GALNT12: variants seen among roughly 807,000 people sequenced by gnomAD.
GALNT12 encodes polypeptide N-acetylgalactosaminyltransferase 12.
A neutral mutation model predicts 55.5 loss-of-function variants in GALNT12; 45 were observed. That is an observed-to-expected ratio of 0.81 (90% CI 0.64 to 1.04). The LOEUF is 1.04. Among genes scored for constraint, GALNT12 ranks in the 50% least tolerant of loss-of-function variants. The probability of loss-of-function intolerance (pLI) is 0.00; values close to 1 mark genes in which losing one functional copy is unlikely to be tolerated. For synonymous variants in GALNT12, 304 were observed against 312.2 expected, an observed-to-expected ratio of 0.97 and a Z score of 0.28; for missense variants, 709 against 754.8, an observed-to-expected ratio of 0.94 and a Z score of 0.71.
At position 98,826,817 on chromosome 9, in the gene GALNT12, A is replaced by G; in HGVS notation, c.607A>G (p.Asn203Asp). The change falls in exon 3 of 10, where the codon AAC (asparagine) becomes GAC (aspartate). Residue 203 changes from asparagine to aspartate, a missense_variant. Transcript: ENST00000375011. ...GLPKVRLIRANKREGLVRARL... is the reference protein window; with the variant it reads ...GLPKVRLIRADKREGLVRARL... ...GCCCAAGGTGCGCCTGATCCGCGCC[A>G]ACAAGAGAGAGGGCCTGGTGCGAGC... The G allele has an allele frequency of 2.5e-6, 4 of 1,612,254 alleles. No homozygotes were observed. The highest frequency in any genetic ancestry group is 1.3e-5 in the African/African-American group (1 of 75,012).
intron 3 of GALNT12, 128 bp downstream of exon 3, chr9:98,827,069 A>C (rs1424684273): frequency 1.0e-6 from 1 of 966,750 alleles, no homozygotes; most frequent in African/African-American, 1.6e-5. Context: ...GTCACTGGGC[A>C]GGAGAGCAGT....
intron 6 of GALNT12, among the ~76,000 whole-genome samples, chr9:98,838,580 G>A (rs548020508): frequency 6.6e-5 from 10 of 152,278 alleles, no homozygotes; most frequent in South Asian, 2.1e-4. Flanking sequence ...CTCTACCTCC[G>A]GGACCATTGT....
At chr9:98,829,440 C>T (rs943458506) in intron 3 of GALNT12, among the ~76,000 whole-genome samples, 12 of 152,132 alleles carry the variant, frequency 7.9e-5, no homozygotes, top group African/African-American at 2.9e-4. Context: ...TTGCCCGTCT[C>T]AGCCTTCCAA....
At chr9:98,827,492 G>T (rs990740030) in intron 3 of GALNT12, among the ~76,000 whole-genome samples, 9 of 151,974 alleles carry the variant, frequency 5.9e-5, no homozygotes, top group African/African-American at 2.2e-4. Flanking sequence ...TTTTTATCCG[G>T]GCTTGTTGCA....
Position 98,807,729 on chromosome 9 carries a change from C to A in GALNT12, c.31C>A (p.Pro11Thr). 8.4e-7 allele frequency: 1 copy of A among 1,186,528 alleles called. No homozygotes were observed. The highest frequency in any genetic ancestry group is 1.0e-6 in the Non-Finnish European group (1 of 955,090). The allele number at this position is 1,186,528 out of a possible 1,614,324, so 73.5% of individuals were successfully genotyped here. Residue 11 changes from proline (P) to threonine (T), a missense_variant, in exon 1 of 10, where the codon CCG (proline) becomes ACG (threonine). By Grantham distance (38) the Pro-to-Thr change is conservative (BLOSUM62 -1). Coordinates refer to ENST00000375011, the MANE Select transcript of GALNT12 (RefSeq NM_024642.5). ...GGGGCGCACGGCGCGGCGGCGCTGC[C>A]CGCGGGAACTGCGGCGCGGCCGGGA... MWGRTARRRCPRELRRGREAL... is the reference protein window; with the variant it reads MWGRTARRRCTRELRRGREAL...
chr9:98,818,626 C>T (rs1249940350), intron 1 of GALNT12, among the ~76,000 whole-genome samples: 1 of 152,008 alleles, frequency 6.6e-6, no homozygotes, highest in East Asian at 1.9e-4. Context: ...GCCTCTTTAG[C>T]CTCACTCAGT....
At chr9:98,813,979 A>G (rs963830071) in intron 1 of GALNT12, among the ~76,000 whole-genome samples, 2 of 152,198 alleles carry the variant, frequency 1.3e-5, no homozygotes, top group African/African-American at 4.8e-5. Flanking sequence ...CTGAAAGCCC[A>G]ATGCAAACTG....
At chr9:98,832,636 A>C (rs1433010322) in intron 4 of GALNT12, among the ~76,000 whole-genome samples, 1 of 152,162 alleles carries the variant, frequency 6.6e-6, no homozygotes, top group Admixed American at 6.5e-5. Flanking sequence ...TCCCACACAG[A>C]AAATATCCCC....
At chr9:98,835,196 CTG>C in intron 4 of GALNT12, 51 bp from the exon 5 acceptor site, 1 of 1,224,826 alleles carries the variant, frequency 8.2e-7, no homozygotes, top group Non-Finnish European at 1.2e-6. Flanking sequence ...AGTTGGATAA[CTG>C]TGATGGTTTT....
intron 1 of GALNT12, among the ~76,000 whole-genome samples, chr9:98,813,035 T>A (rs1588438983): frequency 6.6e-6 from 1 of 152,256 alleles, no homozygotes; most frequent in East Asian, 1.9e-4. Flanking sequence ...TTGTTCAGAT[T>A]TATCCACAAG....
chr9:98,809,326 A>G (rs1645434139), intron 1 of GALNT12, among the ~76,000 whole-genome samples: 1 of 152,210 alleles, frequency 6.6e-6, no homozygotes, highest in African/African-American at 2.4e-5. Flanking sequence ...CTTTTTGAAT[A>G]AAACTTTGTT....
intron 3 of GALNT12, among the ~76,000 whole-genome samples, chr9:98,830,382 A>G (rs1023806014): frequency 5.9e-5 from 9 of 152,218 alleles, no homozygotes; most frequent in African/African-American, 1.9e-4. Context: ...CAGGGAGGCC[A>G]AGTATCCTGC....
intron 5 of GALNT12, 41 bp from the exon 6 acceptor site, chr9:98,836,931 C>A: frequency 6.4e-7 from 1 of 1,563,990 alleles, no homozygotes; most frequent in Non-Finnish European, 8.7e-7. Context: ...CGCAGCTCAT[C>A]CCCTGCTCAC....
intron 1 of GALNT12, among the ~76,000 whole-genome samples, chr9:98,821,624 C>CA (rs11467276): frequency 0.65 from 73,536 of 112,390 alleles, 24,656 homozygotes; most frequent in African/African-American, 0.79. Flanking sequence ...GACTCCATCT[C>CA]AAAAAAAAAA....
At chr9:98,814,859 C>T (rs1835576822) in intron 1 of GALNT12, among the ~76,000 whole-genome samples, 1 of 152,164 alleles carries the variant, frequency 6.6e-6, no homozygotes. Context: ...TGGTGCCTCT[C>T]CTGTATTAAG....
intron 6 of GALNT12, among the ~76,000 whole-genome samples, chr9:98,837,532 C>T (rs1190700504): frequency 6.6e-6 from 1 of 152,172 alleles, no homozygotes; most frequent in East Asian, 1.9e-4. Flanking sequence ...ATTAACATTG[C>T]ACTCATGGCT....
At chr9:98,840,194 G>A (rs3824516) in intron 7 of GALNT12, 61 bp downstream of exon 7, 1 of 1,605,722 alleles carries the variant, frequency 6.2e-7, no homozygotes, top group Non-Finnish European at 8.5e-7. Context: ...GGTCTGCTCT[G>A]CAAATCCTGG....
intron 1 of GALNT12, among the ~76,000 whole-genome samples, chr9:98,811,723 C>A (rs1835499919): frequency 7.2e-6 from 1 of 138,706 alleles, no homozygotes; most frequent in South Asian, 2.4e-4. Context: ...TGCTATGTTG[C>A]CCAGGCTGGA....
chr9:98,837,717 A>G (rs1309916317), intron 6 of GALNT12, among the ~76,000 whole-genome samples: 1 of 152,204 alleles, frequency 6.6e-6, no homozygotes, highest in Non-Finnish European at 1.5e-5. Flanking sequence ...GTGGTGCCCA[A>G]CAGATGGTGA....
Sources: gnomAD v4.1 joint callset for allele counts (sites outside exome capture counted in the v4.1 genomes callset) on GRCh38, gnomAD v4.1.1 for gene constraint, MANE v1.5 for transcripts, NCBI Gene and HGNC (gene_info 2026-07-23, HGNC 2026-07-21) for gene names.